MX2: variants seen among roughly 807,000 people sequenced by gnomAD.
MX2 encodes interferon-induced GTP-binding protein Mx2.
A neutral mutation model predicts 74.0 loss-of-function variants in MX2; 51 were observed. The observed-to-expected ratio is 0.69, with a 90% CI of 0.55 to 0.87. The LOEUF is 0.87. MX2 is among the 40% of genes least tolerant of loss of function. The pLI, the probability that MX2 is intolerant of heterozygous loss-of-function variation, is 0.00. For missense variants in MX2, 832 were observed against 908.7 expected (o/e 0.92, Z 1.09); for synonymous variants, 369 against 339.3 (o/e 1.09, Z -0.96).
intron 2 of MX2, among the ~76,000 whole-genome samples, chr21:41,377,496 G>T (rs547221609): frequency 1.3e-5 from 2 of 152,170 alleles, no homozygotes; most frequent in South Asian, 2.1e-4. Context: ...CCTCCCTCTG[G>T]CTGGAGTCTC....
rs2089780829 is a variant in MX2 at position 41,399,400 on chromosome 21, C to T, written c.1414+63C>T. ...TATTTACCCAGACCAGAGGCTATGT[C>T]CAGCACATGATAAGTGTGCCAAGAG... On this transcript the variant is annotated intron_variant, in intron 10 of 13. Coordinates refer to ENST00000330714, the MANE Select transcript of MX2 (RefSeq NM_002463.2). 16 of 1,531,540 alleles carry T rather than the reference C, an allele frequency of 1.0e-5. No homozygotes were observed. The South Asian group carries it at 1.9e-4, about 18-fold the overall frequency. 94.9% of individuals were successfully genotyped at this position (1,531,540 alleles called of 1,614,324 possible).
chr21:41,373,339 C>T (rs1462491995), intron 1 of MX2, among the ~76,000 whole-genome samples: 1 of 152,176 alleles, frequency 6.6e-6, no homozygotes, highest in East Asian at 1.9e-4. Flanking sequence ...GGCCCAGGAG[C>T]CCCGGCTGTC....
intron 10 of MX2, chr21:41,401,356 G>C (rs142310072): frequency 6.6e-6 from 1 of 152,404 alleles, no homozygotes; most frequent in African/African-American, 2.4e-5. Flanking sequence ...AACTGTGGCT[G>C]TATGCTTGGG....
At chr21:41,401,805 C>A in intron 10 of MX2, 165 bp from the exon 11 acceptor site, 1 of 632,632 alleles carries the variant, frequency 1.6e-6, no homozygotes, top group Non-Finnish European at 2.5e-6. Context: ...ATTTCTTAAA[C>A]TCCTGTTATT....
chr21:41,405,571 C>A (rs1355222393), intron 12 of MX2, among the ~76,000 whole-genome samples: 6 of 152,088 alleles, frequency 3.9e-5, no homozygotes, highest in Non-Finnish European at 8.8e-5. Flanking sequence ...CTAATTGCCT[C>A]CCACTTCCCA....
chr21:41,383,008 A>G (rs2089518973), intron 5 of MX2, among the ~76,000 whole-genome samples: 1 of 152,210 alleles, frequency 6.6e-6, no homozygotes, highest in South Asian at 2.1e-4. Flanking sequence ...CGACCGGGCA[A>G]TAAGGACACA....
At position 41,398,923 on chromosome 21, in the gene MX2, A is replaced by T; in HGVS notation, c.1176A>T (p.Gln392His). 1 of 1,613,856 alleles carries T rather than the reference A, an allele frequency of 6.2e-7. No individual in the cohort carries two copies. Among genetic ancestry groups the T allele is most frequent in the Non-Finnish European group, 8.5e-7 (1 of 1,179,760 alleles). Residue 392 changes from glutamine to histidine, a missense_variant, in exon 9 of 14, where the codon CAA becomes CAT. By Grantham distance (24) the Gln-to-His change is conservative. Coordinates refer to ENST00000330714, the MANE Select transcript of MX2 (RefSeq NM_002463.2). ...IQKSLPLLEGQIRESHQKATE... is the reference protein window; with the variant it reads ...IQKSLPLLEGHIRESHQKATE... ...AATCGCTCCCGTTGTTAGAAGGACA[A>T]ATAAGGGAGAGCCACCAGAAGGCGA...
intron 2 of MX2, among the ~76,000 whole-genome samples, chr21:41,377,487 C>T (rs888214225): frequency 5.3e-5 from 8 of 152,188 alleles, no homozygotes; most frequent in African/African-American, 1.9e-4. Flanking sequence ...AGAACCTCTC[C>T]TCCCTCTGGC....
intron 6 of MX2, among the ~76,000 whole-genome samples, chr21:41,391,069 C>T (rs187124222): frequency 3.8e-4 from 57 of 151,740 alleles, no homozygotes; most frequent in African/African-American, 1.2e-3. Context: ...GGAGGGATGC[C>T]GCACTTCTTT....
chr21:41,379,002 C>T (rs1209282802), intron 3 of MX2, among the ~76,000 whole-genome samples: 4 of 152,210 alleles, frequency 2.6e-5, no homozygotes, highest in Non-Finnish European at 4.4e-5. Flanking sequence ...GAGGGCTGCC[C>T]GGACCCTGCA....
chr21:41,405,446 T>C (rs1462266873), intron 12 of MX2, among the ~76,000 whole-genome samples: 1 of 152,028 alleles, frequency 6.6e-6, no homozygotes, highest in African/African-American at 2.4e-5. Flanking sequence ...GAGGGCTCTC[T>C]TTCAGGTTGC....
At chr21:41,400,340 C>A (rs1437101190) in intron 10 of MX2, among the ~76,000 whole-genome samples, 1 of 152,084 alleles carries the variant, frequency 6.6e-6, no homozygotes, top group Non-Finnish European at 1.5e-5. Context: ...AAAATGTGCC[C>A]AGATCACCCA....
chr21:41,407,964 G>T (rs1206796569), intron 13 of MX2, 27 bp from the exon 14 acceptor site: 3 of 1,613,232 alleles, frequency 1.9e-6, no homozygotes, highest in Non-Finnish European at 2.5e-6. Context: ...GACCACTCCA[G>T]CAAACCCTTC....
intron 10 of MX2, among the ~76,000 whole-genome samples, chr21:41,400,153 G>A (rs2089792542): frequency 1.3e-5 from 2 of 152,142 alleles, no homozygotes; most frequent in Non-Finnish European, 2.9e-5. Flanking sequence ...AGTGACCTGG[G>A]ATACTTATTT....
intron 5 of MX2, 21 bp from the exon 6 acceptor site, chr21:41,390,544 T>C (rs762328427): frequency 6.2e-7 from 1 of 1,613,872 alleles, no homozygotes; most frequent in South Asian, 1.1e-5. Flanking sequence ...GCTCTTTCTT[T>C]GTGCGATTCT....
intron 7 of MX2, 62 bp downstream of exon 7, chr21:41,395,847 T>A: frequency 6.4e-7 from 1 of 1,558,422 alleles, no homozygotes; most frequent in Non-Finnish European, 8.8e-7. Flanking sequence ...TCTGCAAGAG[T>A]TGGCCCAGAT....
chr21:41,384,496 A>G (rs2089542816), intron 5 of MX2, among the ~76,000 whole-genome samples: 1 of 152,188 alleles, frequency 6.6e-6, no homozygotes, highest in Admixed American at 6.5e-5. Flanking sequence ...TTTATGTTTC[A>G]GATTTCTAAA....
chr21:41,389,072 G>T (rs2089620529), intron 5 of MX2, among the ~76,000 whole-genome samples: 1 of 152,052 alleles, frequency 6.6e-6, no homozygotes, highest in South Asian at 2.1e-4. Context: ...CAGCCCCATG[G>T]GTGTAGCAAA....
intron 12 of MX2, 147 bp from the exon 13 acceptor site, chr21:41,406,597 C>G: frequency 1.1e-6 from 1 of 890,746 alleles, no homozygotes; most frequent in Non-Finnish European, 1.7e-6. Context: ...GTGGGACTTT[C>G]TAAAAATCAT....
Sources: gnomAD v4.1 joint callset for allele counts (sites outside exome capture counted in the v4.1 genomes callset) on GRCh38, gnomAD v4.1.1 for gene constraint, MANE v1.5 for transcripts, NCBI Gene and HGNC (gene_info 2026-07-23, HGNC 2026-07-21) for gene names.